EFCAB5: variants seen among roughly 807,000 people sequenced by gnomAD.
EFCAB5 encodes EF-hand calcium-binding domain-containing protein 5.
A neutral mutation model predicts 167.9 loss-of-function variants in EFCAB5; 131 were observed. The observed-to-expected ratio is 0.78, with a 90% CI of 0.68 to 0.90. The LOEUF (loss-of-function observed/expected upper bound fraction) is 0.90. Among genes scored for constraint, EFCAB5 ranks in the 40% least tolerant of loss-of-function variants. The pLI is 0.00. For synonymous variants in EFCAB5, 574 were observed against 602.8 expected, an observed-to-expected ratio of 0.95 and a Z score of 0.70; for missense variants, 1,663 against 1,745.2, an observed-to-expected ratio of 0.95 and a Z score of 0.84.
chr17:29,943,507 C>A, intron 2 of EFCAB5, 58 bp from the exon 3 acceptor site: 1 of 1,404,476 alleles, frequency 7.1e-7, no homozygotes, highest in Non-Finnish European at 9.7e-7. Context: ...ATAATTTATA[C>A]AACTTTGTTG....
intron 14 of EFCAB5, among the ~76,000 whole-genome samples, chr17:30,070,656 C>T (rs146582519): frequency 7.0e-4 from 106 of 151,986 alleles, no homozygotes; most frequent in Middle Eastern, 3.4e-3. Flanking sequence ...AAAACTAGAC[C>T]CCTATCTCTC....
At chr17:29,980,682 T>C (rs887684563) in intron 4 of EFCAB5, among the ~76,000 whole-genome samples, 1 of 152,238 alleles carries the variant, frequency 6.6e-6, no homozygotes, top group Admixed American at 6.5e-5. Flanking sequence ...TTCTTTAACC[T>C]GTCACTCTAT....
chr17:30,065,105 A>G (rs1024372379), intron 14 of EFCAB5, among the ~76,000 whole-genome samples: 2 of 152,344 alleles, frequency 1.3e-5, no homozygotes, highest in Non-Finnish European at 2.9e-5. Flanking sequence ...GATAATCCCT[A>G]TCATGAAAAC....
At chr17:30,102,543 CTTCTTT>C (rs1303046795) in intron 22 of EFCAB5, among the ~76,000 whole-genome samples, 2 of 151,920 alleles carry the variant, frequency 1.3e-5, no homozygotes, top group African/African-American at 4.8e-5. Context: ...GCCCTTATGT[CTTCTTT>C]TTCTTTTTCT....
intron 22 of EFCAB5, among the ~76,000 whole-genome samples, chr17:30,101,739 G>A (rs879685772): frequency 6.6e-6 from 1 of 152,182 alleles, no homozygotes; most frequent in Non-Finnish European, 1.5e-5. Flanking sequence ...AACCGGAGGA[G>A]GAAATGGGGT....
At chr17:30,015,232 T>G (rs897935623) in intron 7 of EFCAB5, among the ~76,000 whole-genome samples, 3 of 152,184 alleles carry the variant, frequency 2.0e-5, no homozygotes, top group Non-Finnish European at 2.9e-5. Context: ...GCCCTTAGCA[T>G]TTTTCCGTCA....
At chr17:30,002,276 G>T (rs116209735) in intron 7 of EFCAB5, among the ~76,000 whole-genome samples, 1 of 152,072 alleles carries the variant, frequency 6.6e-6, no homozygotes, top group Admixed American at 6.6e-5. Flanking sequence ...TTCCCCAAAG[G>T]TTATATTTTG....
chr17:30,032,732 A>G (rs1209636517), intron 7 of EFCAB5, among the ~76,000 whole-genome samples: 1 of 152,120 alleles, frequency 6.6e-6, no homozygotes, highest in East Asian at 1.9e-4. Flanking sequence ...TTGGATCTTC[A>G]TTTCTTTATG....
At chr17:30,068,782 C>G (rs2070649330) in intron 14 of EFCAB5, 1 of 1,350,354 alleles carries the variant, frequency 7.4e-7, no homozygotes, top group African/African-American at 1.4e-5. Context: ...CTTCTCCAGC[C>G]GGGCCCGCGA....
intron 18 of EFCAB5, among the ~76,000 whole-genome samples, chr17:30,086,097 G>A (rs570767899): frequency 4.3e-4 from 66 of 152,182 alleles, no homozygotes; most frequent in African/African-American, 1.6e-3. Context: ...CGAGACTCAA[G>A]CGATCCTCCT....
chr17:29,941,348 A>T (rs2067295096), upstream of EFCAB5, among the ~76,000 whole-genome samples: 1 of 152,188 alleles, frequency 6.6e-6, no homozygotes, highest in Non-Finnish European at 1.5e-5. Flanking sequence ...TTCCCAAAAA[A>T]ATGCCTTTTG....
intron 5 of EFCAB5, 112 bp from the exon 6 acceptor site, chr17:29,996,200 C>A: frequency 1.2e-6 from 1 of 823,786 alleles, no homozygotes; most frequent in Non-Finnish European, 1.9e-6. Flanking sequence ...GGAAAGATCA[C>A]CCAATACTAA....
At position 30,080,944 on chromosome 17, in the gene EFCAB5, T is replaced by C. The variant is rs920670337; in HGVS notation, c.3389T>C (p.Ile1130Thr). 2 of 1,613,308 alleles carry C rather than the reference T, an allele frequency of 1.2e-6. No homozygotes were observed. Among genetic ancestry groups the C allele is most frequent in the Non-Finnish European group, 1.7e-6 (2 of 1,179,838 alleles). The stretch of plus-strand genomic sequence containing the variant: ...GATACCCTTAGAGATCCCCACGAAA[T>C]AAACATCTTTCTACCTCATGAGATC... ...AVDTLRDPHE[I>T]NIFLPHEIRF... The change falls in exon 17 of 23, where the codon ATA becomes ACA. Residue 1130 changes from isoleucine to threonine, a missense_variant. Physicochemically the swap from Ile to Thr is moderately conservative, Grantham distance 89 (BLOSUM62 -1). Coordinates refer to ENST00000394835, the MANE Select transcript of EFCAB5 (RefSeq NM_198529.4).
chr17:29,964,204 T>A (rs12600993), intron 3 of EFCAB5, among the ~76,000 whole-genome samples: 57,664 of 152,092 alleles, frequency 0.38, 13,184 homozygotes, highest in East Asian at 0.68. Context: ...CTACTTCTTC[T>A]TGAGTCAGTT....
At chr17:30,057,578 C>T (rs751516524) in intron 12 of EFCAB5, 98 bp from the exon 13 acceptor site, 1 of 1,022,834 alleles carries the variant, frequency 9.8e-7, no homozygotes, top group Admixed American at 2.3e-5. Context: ...TCCTGACAGT[C>T]AAAAATGGCA....
intron 14 of EFCAB5, chr17:30,073,304 A>C: frequency 1.8e-6 from 1 of 547,518 alleles, no homozygotes; most frequent in Non-Finnish European, 3.2e-6. Flanking sequence ...CAATCCTCTC[A>C]CCTCAGTCTC....
rs6505154 is a variant in EFCAB5 at position 30,044,395 on chromosome 17, T to G, written c.1201-6723T>G. Among the ~76,000 whole-genome samples, 922 of 152,214 alleles carry G rather than the reference T, an allele frequency of 6.1e-3. 8 individuals are homozygous for G. The highest frequency in any genetic ancestry group is 0.021 in the African/African-American group (877 of 41,526). On this transcript the variant is annotated intron_variant, in intron 8 of 22. Transcript: ENST00000394835. ...GAGTTCAAGACCAGTTTGGCCAACA[T>G]GGCAAAACCCTGTCTCTACTAAAAA...
At chr17:29,958,192 T>A (rs937716061) in intron 3 of EFCAB5, among the ~76,000 whole-genome samples, 1 of 152,226 alleles carries the variant, frequency 6.6e-6, no homozygotes, top group Admixed American at 6.5e-5. Flanking sequence ...GTTATCTTTT[T>A]CTGGAAAATC....
chr17:29,975,412 T>A (rs1332324081), intron 4 of EFCAB5, among the ~76,000 whole-genome samples: 1 of 152,050 alleles, frequency 6.6e-6, no homozygotes, highest in East Asian at 1.9e-4. Context: ...CGTACCACCA[T>A]GCCCAGCTAA....
Sources: allele counts gnomAD v4.1 joint callset (sites outside exome capture counted in the v4.1 genomes callset), GRCh38; gene constraint gnomAD v4.1.1; transcripts MANE v1.5; gene names NCBI Gene and HGNC (gene_info 2026-07-23, HGNC 2026-07-21).